Variants in COL4A6 observed in about 807,000 individuals in gnomAD.
The protein encoded by COL4A6 is collagen type IV alpha 6 chain.
A neutral mutation model predicts 126.7 loss-of-function variants in COL4A6; 59 were observed. The observed-to-expected ratio is 0.47, with a 90% CI of 0.38 to 0.58. The LOEUF (loss-of-function observed/expected upper bound fraction) is 0.58. Ranked by LOEUF, COL4A6 falls within the 20% of genes least tolerant of loss-of-function variation. The pLI is 0.00. For missense variants in COL4A6, 1,285 were observed against 1,337.3 expected (o/e 0.96, Z 0.61); for synonymous variants, 547 against 496.6 (o/e 1.10, Z -1.35).
intron 2 of COL4A6, among the ~76,000 whole-genome samples, chrX:108,334,864 A>C (rs1406323058): frequency 1.8e-5 from 2 of 111,775 alleles, no homozygotes; most frequent in Non-Finnish European, 3.8e-5. Context: ...ATAATGATCA[A>C]ATAAGACAAG....
At chrX:108,429,822 A>G (rs2064148487) in intron 2 of COL4A6, among the ~76,000 whole-genome samples, 1 of 112,122 alleles carries the variant, frequency 8.9e-6, no homozygotes, top group Non-Finnish European at 1.9e-5. Flanking sequence ...ACATTATACT[A>G]TTGAACAGGG....
intron 2 of COL4A6, among the ~76,000 whole-genome samples, chrX:108,319,767 G>C (rs2038979483): frequency 8.9e-6 from 1 of 112,106 alleles, no homozygotes; most frequent in Non-Finnish European, 1.9e-5. Flanking sequence ...AGGGGTATTG[G>C]GAATGGAAGA....
At chrX:108,374,779 G>C (rs2040402640) in intron 2 of COL4A6, among the ~76,000 whole-genome samples, 1 of 111,775 alleles carries the variant, frequency 8.9e-6, no homozygotes, top group South Asian at 3.8e-4. Context: ...ATACTGATTA[G>C]ACTTCACACT....
intron 27 of COL4A6, among the ~76,000 whole-genome samples, chrX:108,177,388 C>T (rs748652925): frequency 6.2e-5 from 7 of 112,146 alleles, no homozygotes; most frequent in Admixed American, 9.4e-5. Flanking sequence ...GTCTGAATCA[C>T]GCCACAATGG....
Position 108,365,051 on chromosome X carries a change from A to G in COL4A6, c.64-54223T>C, listed in dbSNP as rs148435780. Among the ~76,000 whole-genome samples, 992 of 111,334 alleles carry G rather than the reference A, an allele frequency of 8.9e-3. 15 individuals carry two copies. Among genetic ancestry groups the G allele is most frequent in the African/African-American group, 0.03 (933 of 30,623 alleles). The stretch of plus-strand genomic sequence containing the variant: ...GTATGTATTTAGTGTGTATGTGCGC[A>G]TGCTCTTCCCTCTGTATGGGAGACC... On this transcript the variant is annotated intron_variant, in intron 2 of 44. Transcript: ENST00000334504.
At position 108,388,686 on chromosome X, in the gene COL4A6, T is replaced by C. The variant is rs750539823; in HGVS notation, c.63+49256A>G. Among the ~76,000 whole-genome samples the C allele has an allele frequency of 5.4e-5, 6 of 111,838 alleles. No homozygotes were observed. In the South Asian group the frequency reaches 1.9e-3, roughly 35 times the overall value. On this transcript the variant is annotated intron_variant, in intron 2 of 44. Coordinates refer to ENST00000334504, the MANE Select transcript of COL4A6 (RefSeq NM_033641.4). ...AACTGGCTCCTGGATTCATTGATTT[T>C]TTGAAGGGTTTTTCGTGTCTCTATC...
At chrX:108,269,867 C>T (rs975026801) in intron 3 of COL4A6, among the ~76,000 whole-genome samples, 1 of 111,213 alleles carries the variant, frequency 9.0e-6, no homozygotes, top group Admixed American at 9.5e-5. Context: ...CTACCTCAAA[C>T]AGGTTCAAAT....
intron 2 of COL4A6, among the ~76,000 whole-genome samples, chrX:108,379,400 C>T (rs1237476227): frequency 9.5e-6 from 1 of 105,601 alleles, no homozygotes; most frequent in Non-Finnish European, 1.9e-5. Context: ...CATGGGACTA[C>T]AGTTGTACAC....
chrX:108,416,547 A>G (rs1345246327), intron 2 of COL4A6, among the ~76,000 whole-genome samples: 1 of 112,180 alleles, frequency 8.9e-6, no homozygotes, highest in African/African-American at 3.2e-5. Context: ...ATCAGTGGCC[A>G]AAGGAATGTT....
At chrX:108,278,847 T>A (rs1351265795) in intron 3 of COL4A6, among the ~76,000 whole-genome samples, 4 of 110,850 alleles carry the variant, frequency 3.6e-5, no homozygotes, top group Non-Finnish European at 7.6e-5. Flanking sequence ...TCAACATTCT[T>A]AAAGAAAAGA....
chrX:108,251,949 A>C (rs2036859793), intron 3 of COL4A6, among the ~76,000 whole-genome samples: 1 of 111,558 alleles, frequency 9.0e-6, no homozygotes, highest in Non-Finnish European at 1.9e-5. Context: ...TAGCATATCC[A>C]TCCCCTTCAA....
At chrX:108,217,359 A>C (rs1797086334) in intron 5 of COL4A6, among the ~76,000 whole-genome samples, 1 of 111,639 alleles carries the variant, frequency 9.0e-6, no homozygotes, top group Admixed American at 9.5e-5. Flanking sequence ...GAACAAAATA[A>C]TCAGTCTGAC....
intron 6 of COL4A6, chrX:108,213,828 T>C: frequency 3.4e-6 from 1 of 293,056 alleles, no homozygotes; most frequent in Non-Finnish European, 5.9e-6. Flanking sequence ...AGTGTGTATT[T>C]TGCCATGAAA....
At chrX:108,404,574 T>C (rs940273997) in intron 2 of COL4A6, among the ~76,000 whole-genome samples, 2 of 112,138 alleles carry the variant, frequency 1.8e-5, no homozygotes, top group Non-Finnish European at 3.8e-5. Context: ...TTAAATTTAT[T>C]CTAAAACATA....
intron 3 of COL4A6, among the ~76,000 whole-genome samples, chrX:108,310,453 A>G (rs1439678978): frequency 9.0e-6 from 1 of 111,651 alleles, no homozygotes. Context: ...ATCTACAAAC[A>G]TTGTCACAAT....
chrX:108,163,173 C>A, intron 40 of COL4A6, 135 bp from the exon 41 acceptor site: 1 of 513,576 alleles, frequency 1.9e-6, no homozygotes, highest in South Asian at 3.5e-5. Context: ...CCGGGTATCT[C>A]CAGGATGGCA....
At chrX:108,378,656 T>G (rs1372458525) in intron 2 of COL4A6, among the ~76,000 whole-genome samples, 1 of 112,671 alleles carries the variant, frequency 8.9e-6, no homozygotes, top group Non-Finnish European at 1.9e-5. Flanking sequence ...CCAGGTATGA[T>G]CCATAAAAAC....
At chrX:108,357,900 G>C (rs1030509511) in intron 2 of COL4A6, among the ~76,000 whole-genome samples, 1 of 111,432 alleles carries the variant, frequency 9.0e-6, no homozygotes, top group Non-Finnish European at 1.9e-5. Flanking sequence ...TTATAGTCTT[G>C]TAACCCTTAT....
At chrX:108,186,277 C>T (rs192624631) in intron 23 of COL4A6, among the ~76,000 whole-genome samples, 24 of 111,693 alleles carry the variant, frequency 2.1e-4, no homozygotes, top group African/African-American at 6.5e-4. Flanking sequence ...TCCATCCATC[C>T]AACCATCCAC....
Sources: gnomAD v4.1 joint callset for allele counts (sites outside exome capture counted in the v4.1 genomes callset) on GRCh38, gnomAD v4.1.1 for gene constraint, MANE v1.5 for transcripts, NCBI Gene and HGNC (gene_info 2026-07-23, HGNC 2026-07-21) for gene names.